HEATR5A: variants seen among roughly 807,000 people sequenced by gnomAD.
HEATR5A encodes the protein HEAT repeat-containing protein 5A.
HEATR5A carries 178 observed loss-of-function variants against 218.8 expected under a neutral mutation model. The ratio of observed to expected loss-of-function variants is 0.81; its 90% CI spans 0.72 to 0.92. HEATR5A has a LOEUF of 0.92. Ranked by LOEUF, HEATR5A falls within the 40% of genes least tolerant of loss-of-function variation. The pLI, the probability that HEATR5A is intolerant of heterozygous loss-of-function variation, is 0.00. For missense variants in HEATR5A, 2,420 were observed against 2,418.9 expected (o/e 1.00, Z -0.01); for synonymous variants, 864 against 871.6 (o/e 0.99, Z 0.15).
chr14:31,388,121 G>T (rs1044257735), intron 7 of HEATR5A, among the ~76,000 whole-genome samples: 3 of 151,962 alleles, frequency 2.0e-5, no homozygotes, highest in Non-Finnish European at 2.9e-5. Context: ...GAATATTAAT[G>T]GTTTTTCTTA....
At chr14:31,325,027 T>C (rs1408386728) in intron 23 of HEATR5A, among the ~76,000 whole-genome samples, 1 of 152,190 alleles carries the variant, frequency 6.6e-6, no homozygotes, top group Non-Finnish European at 1.5e-5. Context: ...TTGGGAGCAC[T>C]GAAGTACAGT....
chr14:31,302,297 G>C lies in HEATR5A; in HGVS notation c.5462C>G (p.Pro1821Arg), dbSNP rs189238800. 2.8e-4 allele frequency: 437 copies of C among 1,583,966 alleles called. 3 individuals are homozygous for C. The Admixed American group carries it at 7.7e-3, about 28-fold the overall frequency. The change falls in exon 33 of 36, where the codon CCA becomes CGA. Residue 1821 changes from proline (P) to arginine (R), a missense_variant and splice_region_variant. Physicochemically the swap from Pro to Arg is moderately radical, Grantham distance 103. Transcript: ENST00000543095. ...TGCTTCCAAATAGCCTCAATTACCT[G>C]GATCCCAACAGTCAAGAATTGTTGT... is the stretch of plus-strand genomic sequence containing the variant. ...ALTTILDCWDPVDETHQELDE... is the reference protein window; with the variant it reads ...ALTTILDCWDRVDETHQELDE...
chr14:31,409,172 A>G (rs1220987930), intron 1 of HEATR5A, among the ~76,000 whole-genome samples: 1 of 148,046 alleles, frequency 6.8e-6, no homozygotes, highest in African/African-American at 2.5e-5. Context: ...CTCAGCCTCC[A>G]GAGCAGCTGG....
intron 21 of HEATR5A, among the ~76,000 whole-genome samples, chr14:31,341,319 A>AT (rs528462303): frequency 2.7e-3 from 408 of 150,804 alleles, no homozygotes; most frequent in South Asian, 9.5e-3. Context: ...TTTGATGCCT[A>AT]TTTTTTTTTC....
intron 22 of HEATR5A, among the ~76,000 whole-genome samples, chr14:31,327,311 T>TTTTTTA (rs1900303236): frequency 2.4e-5 from 2 of 83,800 alleles, no homozygotes; most frequent in Admixed American, 1.2e-4. Context: ...TTTTTTTTTT[T>TTTTTTA]GAGACCGAGT....
intron 21 of HEATR5A, among the ~76,000 whole-genome samples, chr14:31,338,007 T>A (rs1351388485): frequency 5.3e-5 from 8 of 152,162 alleles, no homozygotes; most frequent in African/African-American, 1.9e-4. Flanking sequence ...TAAGCAGAAA[T>A]TTATACACAT....
intron 12 of HEATR5A, among the ~76,000 whole-genome samples, chr14:31,372,398 G>A (rs975261887): frequency 1.3e-5 from 2 of 152,102 alleles, no homozygotes; most frequent in African/African-American, 2.4e-5. Flanking sequence ...GCTTGGTCTC[G>A]AAGTCCTGGC....
At chr14:31,316,237 G>C (rs1374806673) in intron 26 of HEATR5A, among the ~76,000 whole-genome samples, 17 of 152,004 alleles carry the variant, frequency 1.1e-4, no homozygotes, top group Non-Finnish European at 2.1e-4. Flanking sequence ...AGCTAGGATT[G>C]AGCCACGTAT....
chr14:31,377,834 A>G (rs1331188311), intron 11 of HEATR5A, among the ~76,000 whole-genome samples: 1 of 152,180 alleles, frequency 6.6e-6, no homozygotes, highest in African/African-American at 2.4e-5. Flanking sequence ...GGGAAAGAAT[A>G]GTTAAGAAAA....
rs1023499989 is a variant in HEATR5A, at chr14:31,398,796, A to T, written c.339-15T>A. 12 of 1,353,424 alleles carry T rather than the reference A, an allele frequency of 8.9e-6. No homozygotes were observed. Among genetic ancestry groups the T allele is most frequent in the Non-Finnish European group, 1.0e-5 (10 of 982,254 alleles). 83.8% of individuals were successfully genotyped at this position (1,353,424 alleles called of 1,614,324 possible). The stretch of plus-strand genomic sequence containing the variant: ...CCACAGCAGCACTGAAACAACATTT[A>T]AATTAGAAATTAGTCACAGCTGAAA... On this transcript the variant is annotated splice_polypyrimidine_tract_variant and intron_variant, in intron 3 of 35. Transcript: ENST00000543095.
intron 33 of HEATR5A, 118 bp from the exon 34 acceptor site, chr14:31,296,181 G>T: frequency 2.9e-6 from 2 of 680,668 alleles, no homozygotes; most frequent in Non-Finnish European, 4.8e-6. Flanking sequence ...CACAATGAAC[G>T]CTGACTAAGA....
At chr14:31,296,110 T>C in intron 33 of HEATR5A, 47 bp from the exon 34 acceptor site, 3 of 1,501,692 alleles carry the variant, frequency 2.0e-6, no homozygotes, top group South Asian at 1.2e-5. Flanking sequence ...TACTGCTTTA[T>C]ATACCTGTGT....
chr14:31,344,047 G>A lies in HEATR5A; in HGVS notation c.3077C>T (p.Ser1026Phe). The A allele has an allele frequency of 6.5e-7, 1 of 1,538,870 alleles. No individual in the cohort carries two copies. Among genetic ancestry groups the A allele is most frequent in the Non-Finnish European group, 8.8e-7 (1 of 1,142,814 alleles). Residue 1026 changes from serine to phenylalanine, a missense_variant, in exon 21 of 36, where the codon TCT becomes TTT. Coordinates refer to ENST00000543095, the MANE Select transcript of HEATR5A (RefSeq NM_015473.4). ...CAGTAGACAGGAAGTCCTTAAGGTAGAAATTGAAGTACTGTTACCTAAAAT... is the reference window on the plus strand; with the variant it reads ...CAGTAGACAGGAAGTCCTTAAGGTAAAAATTGAAGTACTGTTACCTAAAAT... Reference protein sequence around the residue: ...PELQGNSTSISTLRTSCLLGC... With the variant: ...PELQGNSTSIFTLRTSCLLGC...
In HEATR5A at chr14:31,305,261, T is replaced by C. The variant is rs1217298428; in HGVS notation, c.4967-84A>G. 4 of 1,392,544 alleles carry C rather than the reference T, an allele frequency of 2.9e-6. No individual in the cohort carries two copies. The African/African-American group carries it at 5.8e-5, about 20-fold the overall frequency. 86.3% of individuals were successfully genotyped at this position (1,392,544 alleles called of 1,614,324 possible). A position where few individuals can be genotyped will look rare whatever the true frequency, so the allele number is the denominator to read the frequency against. ...TTTAGTTAAATCCTGTTACAGGAAA[T>C]ACATGTATTTTATTTTTTTGAGACA... On this transcript the variant is annotated intron_variant, in intron 31 of 35. Coordinates refer to ENST00000543095, the MANE Select transcript of HEATR5A (RefSeq NM_015473.4).
intron 1 of HEATR5A, among the ~76,000 whole-genome samples, chr14:31,409,422 A>G (rs1274411709): frequency 2.6e-5 from 4 of 151,054 alleles, no homozygotes; most frequent in Non-Finnish European, 5.9e-5. Context: ...TTATCAGGCC[A>G]GGCGCAGTGG....
At chr14:31,413,805 A>ATGTC (rs1214642611) in intron 1 of HEATR5A, among the ~76,000 whole-genome samples, 2 of 152,210 alleles carry the variant, frequency 1.3e-5, no homozygotes, top group Non-Finnish European at 2.9e-5. Context: ...GGTAATGTCC[A>ATGTC]TGTCTGTCTG....
chr14:31,352,458 T>C (rs1174353667), intron 16 of HEATR5A, among the ~76,000 whole-genome samples: 1 of 152,152 alleles, frequency 6.6e-6, no homozygotes, highest in African/African-American at 2.4e-5. Flanking sequence ...CTAAGTCCTT[T>C]AAAACTAGAT....
At chr14:31,298,154 C>T (rs1899251522) in intron 33 of HEATR5A, among the ~76,000 whole-genome samples, 1 of 152,146 alleles carries the variant, frequency 6.6e-6, no homozygotes, top group African/African-American at 2.4e-5. Context: ...AACACCTTAA[C>T]AGTAATTTCA....
At chr14:31,387,484 T>C in intron 7 of HEATR5A, 109 bp from the exon 8 acceptor site, 1 of 850,852 alleles carries the variant, frequency 1.2e-6, no homozygotes, top group Non-Finnish European at 1.8e-6. Flanking sequence ...TTATAAATTG[T>C]ATTCTTTCCT....
Sources: allele counts gnomAD v4.1 joint callset (sites outside exome capture counted in the v4.1 genomes callset), GRCh38; gene constraint gnomAD v4.1.1; transcripts MANE v1.5; gene names NCBI Gene and HGNC (gene_info 2026-07-23, HGNC 2026-07-21).